The following PANX1 variants were observed in gnomAD, a reference collection of about 807,000 sequenced individuals.
The protein encoded by PANX1 is pannexin 1, also known as pannexin-1.
In PANX1, 30 loss-of-function variants were observed where a neutral mutation model predicts 38.7. That is an observed-to-expected ratio of 0.78 (90% confidence interval 0.58 to 1.05). PANX1 has a LOEUF of 1.05. Among genes scored for constraint, PANX1 ranks in the 50% least tolerant of loss-of-function variants. PANX1 has a pLI of 0.00. For synonymous variants in PANX1, 230 were observed against 212.2 expected (o/e 1.08, Z -0.73); for missense variants, 551 against 517.2 (o/e 1.07, Z -0.63).
At chr11:94,139,623 C>T (rs1946737624) in intron 1 of PANX1, among the ~76,000 whole-genome samples, 1 of 152,206 alleles carries the variant, frequency 6.6e-6, no homozygotes, top group Admixed American at 6.5e-5. Context: ...TTGAGACTCT[C>T]AGCCCCAACC....
chr11:94,141,945 C>T (rs73555259), intron 1 of PANX1, among the ~76,000 whole-genome samples: 1 of 152,164 alleles, frequency 6.6e-6, no homozygotes, highest in African/African-American at 2.4e-5. Context: ...GCTAAACATC[C>T]CCTAATCCTG....
At chr11:94,159,661 T>C (rs1946998617) in intron 2 of PANX1, among the ~76,000 whole-genome samples, 1 of 152,118 alleles carries the variant, frequency 6.6e-6, no homozygotes, top group East Asian at 1.9e-4. Context: ...ATTTTGTTGA[T>C]CTTTTCAGAA....
intron 1 of PANX1, among the ~76,000 whole-genome samples, chr11:94,143,897 C>T (rs954232044): frequency 2.4e-4 from 37 of 152,152 alleles, no homozygotes; most frequent in African/African-American, 5.8e-4. Flanking sequence ...CACAGGCGCA[C>T]GCCACCGTGC....
intron 1 of PANX1, among the ~76,000 whole-genome samples, chr11:94,144,431 C>T (rs1946803040): frequency 6.6e-6 from 1 of 151,276 alleles, no homozygotes; most frequent in Admixed American, 6.6e-5. Flanking sequence ...CTTCTGTCTC[C>T]ACCAGGTGAA....
chr11:94,166,872 TGTC>T (rs1421133224), intron 2 of PANX1, among the ~76,000 whole-genome samples: 5 of 152,150 alleles, frequency 3.3e-5, no homozygotes, highest in Non-Finnish European at 4.4e-5. Flanking sequence ...GTACAGTTAA[TGTC>T]GTACTGGGTC....
At chr11:94,138,157 C>T (rs972352396) in intron 1 of PANX1, among the ~76,000 whole-genome samples, 1 of 152,006 alleles carries the variant, frequency 6.6e-6, no homozygotes, top group Non-Finnish European at 1.5e-5. Context: ...GGATAGACCC[C>T]CAATGGATAC....
At chr11:94,177,214 A>G (rs1947244695) in intron 2 of PANX1, among the ~76,000 whole-genome samples, 1 of 151,060 alleles carries the variant, frequency 6.6e-6, no homozygotes, top group Non-Finnish European at 1.5e-5. Flanking sequence ...AGCCTCAGTA[A>G]TGGTGTACAG....
rs757019840 is a variant in PANX1 at position 94,181,783 on chromosome 11, C to T, written c.*914C>T. On this transcript the variant is annotated 3_prime_UTR_variant, in exon 5 of 5. Transcript: ENST00000227638. ...GAATGTGATCAGGGCACATAAGTGACATTGGCATGCTTCATATGGCGTGCT... is the reference window on the plus strand; with the variant it reads ...GAATGTGATCAGGGCACATAAGTGATATTGGCATGCTTCATATGGCGTGCT... 5.9e-5 allele frequency: 9 copies of T among 152,176 alleles called. No individual in the cohort carries two copies. Among genetic ancestry groups the T allele is most frequent in the Non-Finnish European group, 1.2e-4 (8 of 68,036 alleles). The allele number at this position is 152,176 out of a possible 1,614,324, so 9.4% of individuals were successfully genotyped here.
intron 1 of PANX1, among the ~76,000 whole-genome samples, chr11:94,133,545 T>G (rs1315643999): frequency 1.3e-5 from 2 of 152,058 alleles, no homozygotes; most frequent in Non-Finnish European, 2.9e-5. Flanking sequence ...TTTTGAAGGC[T>G]TTTGGACAGT....
chr11:94,171,064 A>G (rs1336066910), intron 2 of PANX1, among the ~76,000 whole-genome samples: 2 of 151,412 alleles, frequency 1.3e-5, no homozygotes, highest in Admixed American at 6.6e-5. Context: ...CATTGCTGTC[A>G]TTCTCCCAGT....
chr11:94,136,746 C>A (rs1015887844), intron 1 of PANX1, among the ~76,000 whole-genome samples: 1 of 151,662 alleles, frequency 6.6e-6, no homozygotes, highest in Admixed American at 6.6e-5. Context: ...CCAGCCTGGG[C>A]GACAGAGCGA....
At chr11:94,132,594 T>TG (rs141635584) in intron 1 of PANX1, among the ~76,000 whole-genome samples, 29 of 152,174 alleles carry the variant, frequency 1.9e-4, no homozygotes, top group Admixed American at 9.2e-4. Flanking sequence ...CTGTTTGTGT[T>TG]GGGGGGGTGG....
chr11:94,174,176 C>A (rs1486455038), intron 2 of PANX1, among the ~76,000 whole-genome samples: 2 of 151,514 alleles, frequency 1.3e-5, no homozygotes, highest in Non-Finnish European at 2.9e-5. Context: ...CTTAATTTAA[C>A]TAATTATATT....
At chr11:94,129,541 G>C (rs767793830) in intron 1 of PANX1, 48 bp downstream of exon 1, 5 of 1,525,324 alleles carry the variant, frequency 3.3e-6, no homozygotes, top group Admixed American at 1.8e-5. Context: ...GGTCTGGCCC[G>C]GTGAGCTGCG....
At chr11:94,162,845 C>T (rs887010784) in intron 2 of PANX1, among the ~76,000 whole-genome samples, 6 of 148,340 alleles carry the variant, frequency 4.0e-5, no homozygotes, top group Non-Finnish European at 5.9e-5. Context: ...TGTTCCTATT[C>T]GGCCATCTTG....
At chr11:94,156,973 G>A (rs376894471) in intron 2 of PANX1, among the ~76,000 whole-genome samples, 13 of 151,848 alleles carry the variant, frequency 8.6e-5, no homozygotes, top group African/African-American at 2.9e-4. Flanking sequence ...AAGAACATGC[G>A]GTGTTTGGTT....
At chr11:94,142,108 C>T (rs963290073) in intron 1 of PANX1, among the ~76,000 whole-genome samples, 2 of 152,110 alleles carry the variant, frequency 1.3e-5, no homozygotes, top group Admixed American at 6.5e-5. Context: ...CGTGTGTCTG[C>T]GGGACACAGG....
At chr11:94,166,266 A>T (rs1947100640) in intron 2 of PANX1, among the ~76,000 whole-genome samples, 1 of 152,150 alleles carries the variant, frequency 6.6e-6, no homozygotes, top group Non-Finnish European at 1.5e-5. Context: ...GTATTTTTAG[A>T]TGATTTCTTG....
chr11:94,153,751 G>T, intron 2 of PANX1, 121 bp downstream of exon 2: 2 of 905,146 alleles, frequency 2.2e-6, no homozygotes. Context: ...ATCTCAGATT[G>T]TAAAACTGTA....
Sources: allele counts gnomAD v4.1 joint callset (sites outside exome capture counted in the v4.1 genomes callset), GRCh38; gene constraint gnomAD v4.1.1; transcripts MANE v1.5; gene names NCBI Gene and HGNC (gene_info 2026-07-23, HGNC 2026-07-21).